The following DTX1 variants were observed in gnomAD, a reference collection of about 807,000 sequenced individuals.
DTX1 encodes deltex E3 ubiquitin ligase 1.
DTX1 carries 26 observed loss-of-function variants against 57.8 expected under a neutral mutation model. The observed-to-expected ratio is 0.45, with a 90% CI of 0.33 to 0.62. The LOEUF is 0.62. DTX1 is among the 20% of genes least tolerant of loss of function. The pLI is 0.02. For synonymous variants in DTX1, 398 were observed against 394.1 expected (o/e 1.01, Z -0.12); for missense variants, 704 against 895.3 (o/e 0.79, Z 2.73).
intron 2 of DTX1, among the ~76,000 whole-genome samples, chr12:113,072,895 G>A (rs943855991): frequency 2.0e-5 from 3 of 151,596 alleles, no homozygotes; most frequent in African/African-American, 2.4e-5. Context: ...AGTAGAGATC[G>A]GGGGTTTCAC....
intron 2 of DTX1, among the ~76,000 whole-genome samples, chr12:113,062,243 T>C (rs1229082252): frequency 6.6e-6 from 1 of 152,158 alleles, no homozygotes; most frequent in Non-Finnish European, 1.5e-5. Context: ...AGCTGGCTGA[T>C]TTTTTTCTAA....
At chr12:113,073,573 C>T (rs2044750812) in intron 2 of DTX1, among the ~76,000 whole-genome samples, 1 of 152,174 alleles carries the variant, frequency 6.6e-6, no homozygotes, top group Non-Finnish European at 1.5e-5. Flanking sequence ...ATAGCCATAG[C>T]TCCGTGCCTC....
rs772474000 is a variant in DTX1 at position 113,058,440 on chromosome 12, G to A, written c.248G>A (p.Arg83His). 6.9e-6 allele frequency: 11 copies of A among 1,600,970 alleles called. No homozygotes were observed. The highest frequency in any genetic ancestry group is 6.7e-5 in the East Asian group (3 of 44,870). The change falls in exon 2 of 10, where the codon CGC (arginine) becomes CAC (histidine). Residue 83 changes from arginine to histidine, a missense_variant. Physicochemically the swap from Arg to His is conservative, Grantham distance 29 (BLOSUM62 0). Coordinates refer to ENST00000548759, the MANE Select transcript of DTX1 (RefSeq NM_004416.3). ...GACCTGCAGTCCATGCACCAGTTTC[G>A]CCAGGACACAGGTGAGCAGACACCC... is the stretch of plus-strand genomic sequence containing the variant. ...IIDLQSMHQF[R>H]QDTGTMRPVR... is the part of the protein sequence containing the mutation.
intron 6 of DTX1, among the ~76,000 whole-genome samples, 157 bp from the exon 7 acceptor site, chr12:113,094,632 C>T (rs1950272596): frequency 6.6e-6 from 1 of 152,078 alleles, no homozygotes. Flanking sequence ...GAAAATAAAA[C>T]AATGTATGGG....
At chr12:113,069,841 C>T (rs76733744) in intron 2 of DTX1, among the ~76,000 whole-genome samples, 2 of 152,120 alleles carry the variant, frequency 1.3e-5, no homozygotes, top group Admixed American at 6.5e-5. Context: ...TGTTGGGTGC[C>T]GCTGTTGTCC....
chr12:113,075,012 A>G (rs556871270), intron 2 of DTX1, among the ~76,000 whole-genome samples: 1 of 152,320 alleles, frequency 6.6e-6, no homozygotes, highest in African/African-American at 2.4e-5. Flanking sequence ...AAGGGTCATG[A>G]ACCTGGCTCC....
intron 2 of DTX1, among the ~76,000 whole-genome samples, chr12:113,060,085 C>T (rs911453986): frequency 6.6e-6 from 1 of 152,176 alleles, no homozygotes; most frequent in Non-Finnish European, 1.5e-5. Flanking sequence ...AGAGTGCTTA[C>T]CATGTCTGGA....
intron 3 of DTX1, among the ~76,000 whole-genome samples, chr12:113,092,326 TAA>T (rs11372823): frequency 3.4e-4 from 50 of 145,592 alleles, no homozygotes; most frequent in South Asian, 3.1e-3. Context: ...CACAGCAGAT[TAA>T]AAAAAAAAAA....
intron 3 of DTX1, among the ~76,000 whole-genome samples, chr12:113,085,053 CT>C (rs139788602): frequency 0.33 from 46,745 of 142,576 alleles, 7,408 homozygotes; most frequent in East Asian, 0.52. Context: ...GGCCCGTACC[CT>C]TTTTTTTTTT....
intron 3 of DTX1, among the ~76,000 whole-genome samples, chr12:113,081,482 C>T (rs2044816937): frequency 6.6e-6 from 1 of 152,110 alleles, no homozygotes; most frequent in Admixed American, 6.5e-5. Flanking sequence ...CTGTGTCCTC[C>T]CGGGGCACAC....
chr12:113,081,807 G>A (rs1056357714), intron 3 of DTX1, among the ~76,000 whole-genome samples: 22 of 152,132 alleles, frequency 1.4e-4, no homozygotes, highest in Admixed American at 1.4e-3. Flanking sequence ...GCAGAGGTAG[G>A]AATGAATCCA....
At chr12:113,073,592 C>T (rs1480417802) in intron 2 of DTX1, among the ~76,000 whole-genome samples, 3 of 152,182 alleles carry the variant, frequency 2.0e-5, no homozygotes, top group Non-Finnish European at 2.9e-5. Flanking sequence ...TCGATTTCTC[C>T]AGCTATTGGG....
chr12:113,086,414 A>G (rs544364372), intron 3 of DTX1, among the ~76,000 whole-genome samples: 2 of 152,282 alleles, frequency 1.3e-5, no homozygotes, highest in East Asian at 3.9e-4. Context: ...GTGGGAAAGA[A>G]GTAAGAGAGG....
rs71086139 is a variant in DTX1 at position 113,079,694 on chromosome 12, CTGTGTGTGTG to C, written c.941+1623_941+1632del. Among the ~76,000 whole-genome samples the C allele has an allele frequency of 3.6e-3, 480 of 132,430 alleles. 2 individuals are homozygous for C. Among genetic ancestry groups the C allele is most frequent in the African/African-American group, 0.01 (350 of 33,612 alleles). 86.9% of individuals were successfully genotyped at this position (132,430 alleles called of 152,430 possible). On this transcript the variant is annotated intron_variant, in intron 3 of 9. Coordinates refer to ENST00000548759, the MANE Select transcript of DTX1 (RefSeq NM_004416.3). ...AGGTGCATGCCACCATTCCCGGCTA[CTGTGTGTGTG>C]TGTGTGTGTGTGTGTGTGTGTGTGT...
chr12:113,079,669 A>G (rs1352117659), intron 3 of DTX1, among the ~76,000 whole-genome samples: 1 of 150,674 alleles, frequency 6.6e-6, no homozygotes, highest in Non-Finnish European at 1.5e-5. Flanking sequence ...CTGGGACTAC[A>G]GGTGCATGCC....
chr12:113,085,888 G>C (rs2044853136), intron 3 of DTX1, among the ~76,000 whole-genome samples: 1 of 152,140 alleles, frequency 6.6e-6, no homozygotes, highest in African/African-American at 2.4e-5. Context: ...AAAAATATAG[G>C]AGAGAAAGGA....
At chr12:113,067,412 C>G (rs964586083) in intron 2 of DTX1, among the ~76,000 whole-genome samples, 1 of 152,188 alleles carries the variant, frequency 6.6e-6, no homozygotes, top group African/African-American at 2.4e-5. Context: ...GGTCCAAGGC[C>G]TGTCTCTAAT....
At chr12:113,063,850 C>G (rs528144155) in intron 2 of DTX1, among the ~76,000 whole-genome samples, 1 of 152,294 alleles carries the variant, frequency 6.6e-6, no homozygotes, top group African/African-American at 2.4e-5. Context: ...TTCCCATCAC[C>G]GGGGAAAACA....
chr12:113,074,164 G>A (rs954681669), intron 2 of DTX1, among the ~76,000 whole-genome samples: 7 of 152,180 alleles, frequency 4.6e-5, no homozygotes, highest in African/African-American at 1.7e-4. Flanking sequence ...GGGAGGCAGA[G>A]GTTGCAGTGA....
Sources: allele counts gnomAD v4.1 joint callset (sites outside exome capture counted in the v4.1 genomes callset), GRCh38; gene constraint gnomAD v4.1.1; transcripts MANE v1.5; gene names NCBI Gene and HGNC (gene_info 2026-07-23, HGNC 2026-07-21).